Variants in USP2 observed in about 807,000 individuals in gnomAD.
USP2 encodes ubiquitin specific peptidase 2.
Under a neutral mutation model 72.0 loss-of-function variants are expected in USP2, and 33 were observed. That is an observed-to-expected ratio of 0.46 (90% CI 0.35 to 0.61). The LOEUF is 0.61. Ranked by LOEUF, USP2 falls within the 20% of genes least tolerant of loss-of-function variation. The pLI is 0.01. For synonymous variants in USP2, 296 were observed against 312.5 expected, an observed-to-expected ratio of 0.95 and a Z score of 0.56; for missense variants, 691 against 797.8, an observed-to-expected ratio of 0.87 and a Z score of 1.61.
intron 1 of USP2, 67 bp from the exon 2 acceptor site, chr11:119,373,588 C>T (rs1565313125): frequency 1.4e-6 from 2 of 1,389,636 alleles, no homozygotes; most frequent in Non-Finnish European, 1.9e-6. Context: ...GACCTGCTCC[C>T]CATCCTCAGC....
At chr11:119,364,284 C>T (rs1310532662) in intron 2 of USP2, 4 of 708,468 alleles carry the variant, frequency 5.6e-6, no homozygotes, top group Non-Finnish European at 7.0e-6. Flanking sequence ...CGCCCCACCT[C>T]GCCTCTACCC....
intron 1 of USP2, among the ~76,000 whole-genome samples, chr11:119,377,713 G>A (rs1467039501): frequency 6.6e-6 from 1 of 152,170 alleles, no homozygotes; most frequent in Non-Finnish European, 1.5e-5. Context: ...TGAGTCAGGG[G>A]TTAAAATGAA....
chr11:119,371,362 G>A (rs1820565899), intron 2 of USP2, among the ~76,000 whole-genome samples: 3 of 152,084 alleles, frequency 2.0e-5, no homozygotes, highest in Admixed American at 6.5e-5. Context: ...AGCCCAGCAC[G>A]CAGCACCCTG....
Position 119,372,924 on chromosome 11 carries a change from T to G in USP2, c.557A>C (p.Tyr186Ser). ...RKELCTLQGL[Y>S]QTASCPEYLV... ...GTATTCAGGGCAGCTGGCTGTCTGG[T>G]AGAGCCCCTGCAGGGTGCAGAGCTC... The change falls in exon 2 of 13, where the codon TAC (tyrosine) becomes TCC (serine). Residue 186 changes from tyrosine (Y) to serine (S), a missense_variant. Transcript: ENST00000260187. 6.2e-7 allele frequency: 1 copy of G among 1,613,186 alleles called. No individual in the cohort carries two copies. Among genetic ancestry groups the G allele is most frequent in the Admixed American group, 1.7e-5 (1 of 59,984 alleles).
chr11:119,376,303 G>A (rs750369673), intron 1 of USP2: 11 of 985,586 alleles, frequency 1.1e-5, no homozygotes, highest in South Asian at 9.4e-5. Flanking sequence ...GTCTCGCTGC[G>A]CAAGACAGGG....
chr11:119,369,363 T>TA (rs1950897910), intron 2 of USP2, among the ~76,000 whole-genome samples: 2 of 152,188 alleles, frequency 1.3e-5, no homozygotes, highest in Admixed American at 1.3e-4. Flanking sequence ...TGTTGCCTAT[T>TA]ACTGTTAATG....
chr11:119,357,008 G>GGCCT lies in USP2; in HGVS notation c.1731-90_1731-87dup, dbSNP rs1244431412. ...TCTTTCTGTGCCCCCGAGGCCGGCC[G>GGCCT]GCCTGCCTTTCAGGGAGCCTCCCCA... is the stretch of plus-strand genomic sequence containing the variant. On this transcript the variant is annotated intron_variant, in intron 12 of 12. Coordinates refer to ENST00000260187, the MANE Select transcript of USP2 (RefSeq NM_004205.5). 3.5e-5 allele frequency: 52 copies of GGCCT among 1,487,398 alleles called. No homozygotes were observed. In the South Asian group the frequency reaches 6.1e-4, roughly 17 times the overall value. The allele number at this position is 1,487,398 out of a possible 1,614,324, so 92.1% of individuals were successfully genotyped here. A position where few individuals can be genotyped will look rare whatever the true frequency, so the allele number is the denominator to read the frequency against.
intron 2 of USP2, chr11:119,363,823 G>T: frequency 1.4e-6 from 2 of 1,386,404 alleles, no homozygotes; most frequent in Non-Finnish European, 9.4e-7. Context: ...CCTCGGCGCG[G>T]GGGTCCCGGA....
At chr11:119,377,182 G>A (rs1951012346) in intron 1 of USP2, among the ~76,000 whole-genome samples, 2 of 152,294 alleles carry the variant, frequency 1.3e-5, no homozygotes, top group African/African-American at 4.8e-5. Flanking sequence ...CTGTTATCAC[G>A]TCCATTTGCA....
chr11:119,356,893 C>A lies in USP2; in HGVS notation c.1760G>T (p.Arg587Leu), dbSNP rs1209661118. The change falls in exon 13 of 13, where the codon CGC (arginine) becomes CTC (leucine). Residue 587 changes from arginine (R) to leucine (L), a missense_variant. Coordinates refer to ENST00000260187, the MANE Select transcript of USP2 (RefSeq NM_004205.5). ...GAAGAGCAGGTAGGCGTCGCTGGTG[C>A]GCACTTGGCTGGAGGACATGGGAGT... Reference protein sequence around the residue: ...SVTPMSSSQVRTSDAYLLFYE... With the variant: ...SVTPMSSSQVLTSDAYLLFYE... The A allele has an allele frequency of 6.4e-7, 1 of 1,564,328 alleles. No homozygotes were observed. The highest frequency in any genetic ancestry group is 1.9e-5 in the Admixed American group (1 of 51,972).
chr11:119,365,053 T>G (rs1192913677), intron 2 of USP2, among the ~76,000 whole-genome samples: 1 of 152,272 alleles, frequency 6.6e-6, no homozygotes, highest in African/African-American at 2.4e-5. Flanking sequence ...TTAGATTTCG[T>G]TTCTGATGCC....
At chr11:119,375,061 G>C (rs1691170264) in intron 1 of USP2, among the ~76,000 whole-genome samples, 1 of 152,202 alleles carries the variant, frequency 6.6e-6, no homozygotes, top group Admixed American at 6.5e-5. Flanking sequence ...AGGGCTGGCT[G>C]TCTCCCAGCC....
At position 119,357,168 on chromosome 11, in the gene USP2, G is replaced by T. The variant is rs759640242; in HGVS notation, c.1730+19C>A. 27 of 1,612,816 alleles carry T rather than the reference G, an allele frequency of 1.7e-5. 1 individual carries two copies. In the South Asian group the frequency reaches 2.6e-4, roughly 16 times the overall value. ...TGGGTGGCTACAGCCAGGGGCTCCG[G>T]CCCTGCCCTGGCTCTCACCTGGAGT... On this transcript the variant is annotated intron_variant, in intron 12 of 12. Coordinates refer to ENST00000260187, the MANE Select transcript of USP2 (RefSeq NM_004205.5).
chr11:119,366,299 C>T (rs867892410), intron 2 of USP2, among the ~76,000 whole-genome samples: 1 of 152,206 alleles, frequency 6.6e-6, no homozygotes, highest in Non-Finnish European at 1.5e-5. Context: ...TGTCTTACAG[C>T]AAAACCCATG....
At chr11:119,367,501 T>TG (rs1306227563) in intron 2 of USP2, among the ~76,000 whole-genome samples, 11 of 152,176 alleles carry the variant, frequency 7.2e-5, no homozygotes, top group African/African-American at 2.7e-4. Context: ...GACAGACCGG[T>TG]GGCCTGATTG....
At chr11:119,358,462 C>T (rs1209985009) in intron 7 of USP2, among the ~76,000 whole-genome samples, 3 of 152,120 alleles carry the variant, frequency 2.0e-5, no homozygotes, top group Non-Finnish European at 4.4e-5. Context: ...ATTACAGGTG[C>T]CCACCACCAT....
chr11:119,363,703 T>G (rs534454476), intron 2 of USP2: 86 of 563,288 alleles, frequency 1.5e-4, no homozygotes, highest in Admixed American at 4.4e-4. Flanking sequence ...GGAGGGGGCA[T>G]TCCTTGCCAG....
At chr11:119,357,133 G>A in intron 12 of USP2, 54 bp downstream of exon 12, 3 of 1,592,878 alleles carry the variant, frequency 1.9e-6, no homozygotes, top group Admixed American at 1.7e-5. Context: ...GTGGAGGAGT[G>A]GGGGGAGAGT....
intron 1 of USP2, 144 bp downstream of exon 1, chr11:119,381,329 G>T: frequency 1.1e-6 from 1 of 916,274 alleles, no homozygotes; most frequent in Non-Finnish European, 1.6e-6. Flanking sequence ...AGACACAGCT[G>T]GAGCGTCCCT....
Sources: gnomAD v4.1 joint callset for allele counts (sites outside exome capture counted in the v4.1 genomes callset) on GRCh38, gnomAD v4.1.1 for gene constraint, MANE v1.5 for transcripts, NCBI Gene and HGNC (gene_info 2026-07-23, HGNC 2026-07-21) for gene names.